Variants in ERG observed in about 807,000 individuals in gnomAD.
ERG encodes the protein ETS transcription factor ERG, also known as transcriptional regulator ERG.
ERG carries 9 observed loss-of-function variants against 55.3 expected under a neutral mutation model. That is an observed-to-expected ratio of 0.16 (90% confidence interval 0.10 to 0.28). The LOEUF (loss-of-function observed/expected upper bound fraction) is 0.28. Among genes scored for constraint, ERG ranks in the 10% least tolerant of loss-of-function variants. ERG has a pLI of 1.00. For synonymous variants in ERG, 223 were observed against 237.3 expected (o/e 0.94, Z 0.55); for missense variants, 434 against 631.6 (o/e 0.69, Z 3.35).
chr21:38,582,040 C>T (rs1034230596), intron 1 of ERG, among the ~76,000 whole-genome samples: 3 of 90,924 alleles, frequency 3.3e-5, no homozygotes, highest in Middle Eastern at 7.1e-3. Flanking sequence ...GAGACTCCAT[C>T]TCACAAAAAA....
chr21:38,564,378 T>C (rs1278955409), intron 2 of ERG, among the ~76,000 whole-genome samples: 2 of 152,158 alleles, frequency 1.3e-5, no homozygotes, highest in Admixed American at 1.3e-4. Flanking sequence ...GAAAAATGTT[T>C]ATCTCATGGG....
chr21:38,580,609 T>A (rs916707602), intron 1 of ERG, among the ~76,000 whole-genome samples: 3 of 151,854 alleles, frequency 2.0e-5, no homozygotes, highest in Non-Finnish European at 4.4e-5. Flanking sequence ...ATGACCCAGC[T>A]ATATTTTATT....
At chr21:38,371,795 C>T in the ERG span, among the ~76,000 whole-genome samples, 1 of 152,004 alleles carries the variant, frequency 6.6e-6, no homozygotes, top group Non-Finnish European at 1.5e-5. Context: ...ATCTTGCATT[C>T]ATAAGAATAA....
At chr21:38,394,634 G>C (rs868079668) in intron 6 of ERG, among the ~76,000 whole-genome samples, 2 of 152,178 alleles carry the variant, frequency 1.3e-5, no homozygotes, top group South Asian at 2.1e-4. Flanking sequence ...TTACAGGCGT[G>C]AGCCACCGCG....
intron 1 of ERG, among the ~76,000 whole-genome samples, chr21:38,640,917 G>A (rs1366356273): frequency 4.6e-5 from 7 of 152,320 alleles, no homozygotes; most frequent in East Asian, 3.9e-4. Context: ...CATTATAAGC[G>A]CAGAAATACT....
At chr21:38,577,596 G>T (rs1265166011) in intron 1 of ERG, among the ~76,000 whole-genome samples, 1 of 152,122 alleles carries the variant, frequency 6.6e-6, no homozygotes, top group Non-Finnish European at 1.5e-5. Flanking sequence ...GCTGGGAGAG[G>T]ATGGGGCCTG....
chr21:38,597,256 T>A (rs2060136645), intron 1 of ERG, among the ~76,000 whole-genome samples: 1 of 152,150 alleles, frequency 6.6e-6, no homozygotes, highest in Non-Finnish European at 1.5e-5. Flanking sequence ...CAGTTATAAA[T>A]ATGGATCAAT....
At chr21:38,590,568 T>TCATCCATCCATC (rs141969690) in intron 1 of ERG, among the ~76,000 whole-genome samples, 1,903 of 150,434 alleles carry the variant, frequency 0.013, 17 homozygotes, top group East Asian at 0.032. Context: ...ATACAATTGT[T>TCATCCATCCATC]CATCCATCCA....
At chr21:38,552,757 A>G (rs117591727) in intron 2 of ERG, among the ~76,000 whole-genome samples, 47 of 152,016 alleles carry the variant, frequency 3.1e-4, no homozygotes, top group Non-Finnish European at 6.3e-4. Flanking sequence ...AGCATTCCCC[A>G]TGAGAATTGA....
chr21:38,381,504 T>C lies in ERG; in HGVS notation c.*1899A>G. The C allele has an allele frequency of 9.4e-7, 1 of 1,063,962 alleles. No homozygotes were observed. The highest frequency in any genetic ancestry group is 1.1e-6 in the Non-Finnish European group (1 of 878,446). 65.9% of individuals were successfully genotyped at this position (1,063,962 alleles called of 1,614,324 possible). ...AACTCTGATGTAGCAGGACTAAAGCTGTCTACCTAGTGAGAGCTCCTGAAA... is the reference window on the plus strand; with the variant it reads ...AACTCTGATGTAGCAGGACTAAAGCCGTCTACCTAGTGAGAGCTCCTGAAA... On this transcript the variant is annotated 3_prime_UTR_variant, in exon 10 of 10. Coordinates refer to ENST00000288319, the MANE Select transcript of ERG (RefSeq NM_182918.4).
Position 38,381,844 on chromosome 21 carries a change from G to A in ERG, c.*1559C>T. 9.4e-7 allele frequency: 1 copy of A among 1,063,772 alleles called. No individual in the cohort carries two copies. The highest frequency in any genetic ancestry group is 4.2e-4 in the Middle Eastern group (1 of 2,390). The allele number at this position is 1,063,772 out of a possible 1,614,324, so 65.9% of individuals were successfully genotyped here. A position where few individuals can be genotyped will look rare whatever the true frequency, so the allele number is the denominator to read the frequency against. On this transcript the variant is annotated 3_prime_UTR_variant, in exon 10 of 10. Transcript: ENST00000288319. Reference sequence around the variant, plus strand: ...GGGCTAGAAATAAAAGACAGGAGGGGAGGCAAGAAGGACCTGGAGAGGCTG... The same window carrying A: ...GGGCTAGAAATAAAAGACAGGAGGGAAGGCAAGAAGGACCTGGAGAGGCTG...
chr21:38,517,341 C>G (rs1418196270), intron 2 of ERG, among the ~76,000 whole-genome samples: 1 of 151,786 alleles, frequency 6.6e-6, no homozygotes, highest in Non-Finnish European at 1.5e-5. Flanking sequence ...GAATGGCCAT[C>G]AAGCATATGA....
intron 6 of ERG, among the ~76,000 whole-genome samples, chr21:38,398,711 A>T (rs1248641663): frequency 1.3e-5 from 2 of 152,080 alleles, no homozygotes; most frequent in Non-Finnish European, 2.9e-5. Flanking sequence ...CATATCCTAA[A>T]ATGTGAAAAC....
intron 2 of ERG, among the ~76,000 whole-genome samples, chr21:38,566,752 T>C (rs758888357): frequency 2.0e-5 from 3 of 152,210 alleles, no homozygotes; most frequent in Non-Finnish European, 2.9e-5. Context: ...TTATCGATTA[T>C]CTAAGGCTAG....
At chr21:38,394,796 C>T (rs1254357378) in intron 6 of ERG, among the ~76,000 whole-genome samples, 2 of 152,056 alleles carry the variant, frequency 1.3e-5, no homozygotes, top group Non-Finnish European at 2.9e-5. Flanking sequence ...CAAAGACAAA[C>T]TAAAAAATGG....
At chr21:38,400,336 GT>G in intron 6 of ERG, 1 of 624,618 alleles carries the variant, frequency 1.6e-6, no homozygotes, top group East Asian at 3.1e-5. Context: ...TTGCCCATCT[GT>G]CTTTCTGAAA....
chr21:38,483,304 A>C (rs984961943), intron 1 of ERG, among the ~76,000 whole-genome samples: 3 of 152,196 alleles, frequency 2.0e-5, no homozygotes, highest in African/African-American at 7.2e-5. Context: ...CCCACAAAAA[A>C]AGAATGTGTA....
At chr21:38,526,254 C>T (rs550949863) in intron 2 of ERG, among the ~76,000 whole-genome samples, 1 of 152,292 alleles carries the variant, frequency 6.6e-6, no homozygotes, top group African/African-American at 2.4e-5. Flanking sequence ...AACTCAAATC[C>T]AGTAGGGATT....
intron 9 of ERG, 81 bp from the exon 10 acceptor site, chr21:38,384,004 G>A (rs2146413354): frequency 1.3e-6 from 2 of 1,510,240 alleles, no homozygotes; most frequent in Non-Finnish European, 1.8e-6. Flanking sequence ...GACGGAAGGA[G>A]GTGCTATTGG....
Sources: allele counts gnomAD v4.1 joint callset (sites outside exome capture counted in the v4.1 genomes callset), GRCh38; gene constraint gnomAD v4.1.1; transcripts MANE v1.5; gene names NCBI Gene and HGNC (gene_info 2026-07-23, HGNC 2026-07-21).